VPS39: variants seen among roughly 807,000 people sequenced by gnomAD.
VPS39 encodes VPS39 subunit of HOPS complex.
VPS39 carries 70 observed loss-of-function variants against 121.0 expected under a neutral mutation model. That is an observed-to-expected ratio of 0.58 (90% confidence interval 0.48 to 0.71). The LOEUF (loss-of-function observed/expected upper bound fraction) is 0.71. VPS39 is among the 30% of genes least tolerant of loss of function. The pLI, the probability that VPS39 is intolerant of heterozygous loss-of-function variation, is 0.00. For synonymous variants in VPS39, 378 were observed against 398.1 expected (o/e 0.95, Z 0.60); for missense variants, 818 against 1,051.5 (o/e 0.78, Z 3.07).
intron 5 of VPS39, 50 bp downstream of exon 5, chr15:42,189,064 G>C: frequency 1.5e-6 from 2 of 1,311,028 alleles, no homozygotes; most frequent in Non-Finnish European, 2.2e-6. Flanking sequence ...ATGTAGGAAA[G>C]ACTGTATTGA....
chr15:42,169,967 T>C, intron 11 of VPS39, 101 bp from the exon 12 acceptor site: 1 of 1,204,840 alleles, frequency 8.3e-7, no homozygotes, highest in Non-Finnish European at 1.1e-6. Flanking sequence ...TCCAGACTGA[T>C]TTAAAAAAAA....
chr15:42,192,871 C>T (rs758485965), intron 2 of VPS39, among the ~76,000 whole-genome samples: 2 of 152,088 alleles, frequency 1.3e-5, no homozygotes, highest in Admixed American at 6.6e-5. Flanking sequence ...ATCCACCTCC[C>T]GGGTTCAAGC....
At chr15:42,199,538 C>T (rs2050020157) in intron 2 of VPS39, 1 of 454,042 alleles carries the variant, frequency 2.2e-6, no homozygotes, top group Non-Finnish European at 4.5e-6. Flanking sequence ...TTTCCTACCA[C>T]CACACCATAT....
chr15:42,177,698 G>A (rs1448617659), intron 10 of VPS39, among the ~76,000 whole-genome samples: 1 of 150,102 alleles, frequency 6.7e-6, no homozygotes, highest in Non-Finnish European at 1.5e-5. Flanking sequence ...ACAGAGTCTC[G>A]CTATGTCACC....
intron 2 of VPS39, chr15:42,199,578 T>C: frequency 2.1e-6 from 1 of 468,522 alleles, no homozygotes; most frequent in Non-Finnish European, 4.3e-6. Context: ...ATTAGTAGTA[T>C]TTCTTATTAT....
At chr15:42,180,067 C>T (rs1374942018) in intron 8 of VPS39, among the ~76,000 whole-genome samples, 3 of 152,184 alleles carry the variant, frequency 2.0e-5, no homozygotes, top group Non-Finnish European at 4.4e-5. Context: ...GCACCCTGAT[C>T]TGGGACTTCC....
Position 42,191,947 on chromosome 15 carries a change from C to A in VPS39, c.140-387G>T, listed in dbSNP as rs2049836375. The A allele has an allele frequency of 1.6e-6, 2 of 1,243,394 alleles. 1 individual carries two copies. Among genetic ancestry groups the A allele is most frequent in the African/African-American group, 3.0e-5 (2 of 66,610 alleles). The allele number at this position is 1,243,394 out of a possible 1,614,324, so 77.0% of individuals were successfully genotyped here. A position where few individuals can be genotyped will look rare whatever the true frequency, so the allele number is the denominator to read the frequency against. ...GCCATGAAACCCAGCCCAAAGCATC[C>A]TTAGATCTAGACCAACTAATTTCCA... On this transcript the variant is annotated intron_variant, in intron 2 of 24. Coordinates refer to ENST00000318006, the MANE Select transcript of VPS39 (RefSeq NM_015289.5).
intron 6 of VPS39, 67 bp downstream of exon 6, chr15:42,187,691 A>G: frequency 1.4e-6 from 2 of 1,424,180 alleles, no homozygotes; most frequent in South Asian, 1.2e-5. Flanking sequence ...GGAGTCCTGA[A>G]CTTCACTAGA....
chr15:42,199,381 A>C (rs1470591140), intron 2 of VPS39, among the ~76,000 whole-genome samples: 5 of 152,168 alleles, frequency 3.3e-5, no homozygotes, highest in African/African-American at 7.2e-5. Context: ...TGGGGCAGAG[A>C]GTTTATAGAA....
chr15:42,178,673 A>C, intron 8 of VPS39, 103 bp from the exon 9 acceptor site: 1 of 1,496,040 alleles, frequency 6.7e-7, no homozygotes, highest in Non-Finnish European at 9.1e-7. Context: ...GATCTCCAAA[A>C]AGTCCCCTAG....
intron 8 of VPS39, 68 bp from the exon 9 acceptor site, chr15:42,178,638 G>T: frequency 6.3e-7 from 1 of 1,590,102 alleles, no homozygotes; most frequent in African/African-American, 1.3e-5. Context: ...TGTTTCAGCT[G>T]CCCATTCTAA....
intron 1 of VPS39, among the ~76,000 whole-genome samples, chr15:42,202,114 G>A (rs1230434122): frequency 6.6e-6 from 1 of 151,796 alleles, no homozygotes; most frequent in Non-Finnish European, 1.5e-5. Flanking sequence ...ATGCTGTGAT[G>A]TACTTACTAA....
In VPS39 at chr15:42,160,400, C is replaced by A; in HGVS notation, c.*354G>T. ...GAAGTCATGTACTTAATAGAAAAGC[C>A]CTTGATGAACAACCCCATGGTTACA... is the stretch of plus-strand genomic sequence containing the variant. On this transcript the variant is annotated 3_prime_UTR_variant, in exon 25 of 25. Transcript: ENST00000318006. 1 of 278,192 alleles carries A rather than the reference C, an allele frequency of 3.6e-6. No homozygotes were observed. Among genetic ancestry groups the A allele is most frequent in the Non-Finnish European group, 7.1e-6 (1 of 141,196 alleles). 17.2% of individuals were successfully genotyped at this position (278,192 alleles called of 1,614,324 possible).
intron 10 of VPS39, 151 bp downstream of exon 10, chr15:42,178,067 T>C (rs1170821509): frequency 8.2e-6 from 8 of 976,018 alleles, no homozygotes; most frequent in Non-Finnish European, 1.2e-5. Context: ...TACATAGATA[T>C]TTTACGGTGG....
chr15:42,206,212 C>G (rs1678995), intron 1 of VPS39, among the ~76,000 whole-genome samples: 9,986 of 152,208 alleles, frequency 0.066, 850 homozygotes, highest in African/African-American at 0.18. Context: ...CTATTTGGCC[C>G]TGTGTGACCT....
At chr15:42,167,779 G>A (rs1233055816) in intron 12 of VPS39, among the ~76,000 whole-genome samples, 2 of 152,122 alleles carry the variant, frequency 1.3e-5, no homozygotes, top group African/African-American at 4.8e-5. Flanking sequence ...TAAAACAAGT[G>A]CCGATAATAT....
intron 8 of VPS39, among the ~76,000 whole-genome samples, chr15:42,183,404 AAC>A (rs1318339508): frequency 6.6e-6 from 1 of 152,072 alleles, no homozygotes; most frequent in African/African-American, 2.4e-5. Context: ...GCCCGGCCAG[AAC>A]ATGATGCTTT....
chr15:42,167,335 C>T, intron 13 of VPS39, 59 bp downstream of exon 13: 1 of 1,595,284 alleles, frequency 6.3e-7, no homozygotes, highest in Non-Finnish European at 8.5e-7. Context: ...CTCCCTTTTA[C>T]TTTCCCAGAC....
chr15:42,178,789 G>A (rs1412660951), intron 8 of VPS39: 16 of 559,258 alleles, frequency 2.9e-5, no homozygotes, highest in Middle Eastern at 1.0e-3. Flanking sequence ...GGTCACGTAG[G>A]CCGGAAGTTT....
Sources: gnomAD v4.1 joint callset for allele counts (sites outside exome capture counted in the v4.1 genomes callset) on GRCh38, gnomAD v4.1.1 for gene constraint, MANE v1.5 for transcripts, NCBI Gene and HGNC (gene_info 2026-07-23, HGNC 2026-07-21) for gene names.